A1CF: variants seen among roughly 807,000 people sequenced by gnomAD.
A1CF encodes the protein APOBEC-1 stimulating protein.
A neutral mutation model predicts 68.9 loss-of-function variants in A1CF; 48 were observed. The observed-to-expected ratio is 0.70, with a 90% CI of 0.55 to 0.89. A1CF has a LOEUF of 0.89. Ranked by LOEUF, A1CF falls within the 40% of genes least tolerant of loss-of-function variation. A1CF has a pLI of 0.00. For missense variants in A1CF, 653 were observed against 718.9 expected, an observed-to-expected ratio of 0.91 and a Z score of 1.05; for synonymous variants, 272 against 260.4, an observed-to-expected ratio of 1.04 and a Z score of -0.43.
At chr10:50,843,261 G>T (rs981287878) in intron 4 of A1CF, among the ~76,000 whole-genome samples, 1 of 152,104 alleles carries the variant, frequency 6.6e-6, no homozygotes, top group Non-Finnish European at 1.5e-5. Context: ...GATTCTTACA[G>T]AATTAAGTCC....
chr10:50,859,751 G>A (rs2132526418), intron 3 of A1CF, 91 bp downstream of exon 3: 1 of 1,096,890 alleles, frequency 9.1e-7, no homozygotes. Context: ...CTATGTAACT[G>A]ACCATTCCCA....
Position 50,859,881 on chromosome 10 carries a change from G to A in A1CF, c.60C>T (p.Leu20=), listed in dbSNP as rs764493898. The A allele has an allele frequency of 1.2e-6, 2 of 1,613,924 alleles. No individual in the cohort carries two copies. Among genetic ancestry groups the A allele is most frequent in the African/African-American group, 2.7e-5 (2 of 74,902 alleles). The part of the protein sequence containing the change: ...GLSGTQKEAA[L]RALVQRTGYS... ...ATCCTGTGCGCTGGACCAGTGCGCG[G>A]AGGGCTGCTTCCTTCTGAGTGCCGC... The change falls in exon 3 of 13, where the codon CTC becomes CTT. Residue 20 remains leucine (L), a synonymous_variant. Transcript: ENST00000373997.
At chr10:50,823,793 G>A (rs1838787200) in intron 7 of A1CF, among the ~76,000 whole-genome samples, 1 of 152,040 alleles carries the variant, frequency 6.6e-6, no homozygotes, top group Non-Finnish European at 1.5e-5. Flanking sequence ...TATCTTTTGT[G>A]TCTCTCAGTG....
chr10:50,842,042 A>C (rs1839807732), intron 4 of A1CF, 50 bp from the exon 5 acceptor site: 2 of 1,525,676 alleles, frequency 1.3e-6, no homozygotes, highest in Non-Finnish European at 9.0e-7. Flanking sequence ...TGTACTTCTG[A>C]ATGTATGTGT....
At chr10:50,808,349 G>A (rs1309648278) in intron 12 of A1CF, among the ~76,000 whole-genome samples, 1 of 152,228 alleles carries the variant, frequency 6.6e-6, no homozygotes, top group Non-Finnish European at 1.5e-5. Flanking sequence ...CAGTGGAAGT[G>A]AGAATAAGAT....
intron 3 of A1CF, among the ~76,000 whole-genome samples, chr10:50,859,594 G>A (rs1840645949): frequency 1.3e-5 from 2 of 152,210 alleles, no homozygotes; most frequent in African/African-American, 4.8e-5. Flanking sequence ...TTTTGGGATA[G>A]TCTCTATAAC....
chr10:50,820,410 C>CT (rs1838591378), intron 8 of A1CF, 142 bp downstream of exon 8: 2 of 591,022 alleles, frequency 3.4e-6, no homozygotes, highest in Non-Finnish European at 5.7e-6. Flanking sequence ...CATCATTTCT[C>CT]TTTAGTACAT....
chr10:50,874,699 C>T (rs2132599488), intron 1 of A1CF, among the ~76,000 whole-genome samples: 1 of 152,324 alleles, frequency 6.6e-6, no homozygotes, highest in South Asian at 2.1e-4. Context: ...AATCCCTTAA[C>T]TGTTACTTGC....
chr10:50,875,113 T>TA (rs1352543524), intron 1 of A1CF, among the ~76,000 whole-genome samples: 1 of 152,214 alleles, frequency 6.6e-6, no homozygotes, highest in African/African-American at 2.4e-5. Flanking sequence ...TATACTCACA[T>TA]AAAAAATCTA....
chr10:50,870,708 A>G (rs1046962243), intron 1 of A1CF, among the ~76,000 whole-genome samples: 7 of 151,972 alleles, frequency 4.6e-5, no homozygotes, highest in Non-Finnish European at 7.4e-5. Flanking sequence ...TTAAAAGCAA[A>G]TTATTCCTTT....
intron 7 of A1CF, among the ~76,000 whole-genome samples, chr10:50,826,600 C>T (rs1838951441): frequency 6.6e-6 from 1 of 152,052 alleles, no homozygotes; most frequent in Non-Finnish European, 1.5e-5. Context: ...TTGTCACTAC[C>T]AGGCCTGCCC....
intron 3 of A1CF, among the ~76,000 whole-genome samples, chr10:50,846,410 T>C (rs552290851): frequency 6.6e-6 from 1 of 152,272 alleles, no homozygotes; most frequent in Non-Finnish European, 1.5e-5. Flanking sequence ...TTACCATCCT[T>C]CTCCCTGGGC....
chr10:50,838,630 C>T (rs1839633255), intron 5 of A1CF, among the ~76,000 whole-genome samples: 1 of 152,090 alleles, frequency 6.6e-6, no homozygotes, highest in African/African-American at 2.4e-5. Context: ...AGAAGCCAGA[C>T]ATTTAGATGA....
intron 3 of A1CF, among the ~76,000 whole-genome samples, chr10:50,844,744 C>A (rs948375959): frequency 6.6e-6 from 1 of 152,142 alleles, no homozygotes; most frequent in African/African-American, 2.4e-5. Context: ...GAAAAATTCT[C>A]CAATGTATCA....
Position 50,811,172 on chromosome 10 carries a change from AAT to A in A1CF, c.1326_1327del (p.Leu443ArgfsTer8). ...GTTATTTTTCTGACAAATCTCTTCTAATATCTACAAGAATAAAAAAAGTTATT... is the reference window on the plus strand; with the variant it reads ...GTTATTTTTCTGACAAATCTCTTCTAATCTACAAGAATAAAAAAAGTTATT... On this transcript the variant is annotated frameshift_variant and splice_region_variant, in exon 11 of 13. Coordinates refer to ENST00000373997, the MANE Select transcript of A1CF (RefSeq NM_014576.4). LOFTEE classifies it high-confidence loss of function. 1 of 1,609,582 alleles carries A rather than the reference AAT, an allele frequency of 6.2e-7. No homozygotes were observed. Among genetic ancestry groups the A allele is most frequent in the Non-Finnish European group, 8.5e-7 (1 of 1,177,716 alleles).
In A1CF at chr10:50,855,523, A is replaced by G. The variant is rs529119099; in HGVS notation, c.99+4319T>C. On this transcript the variant is annotated intron_variant, in intron 3 of 12. Coordinates refer to ENST00000373997, the MANE Select transcript of A1CF (RefSeq NM_014576.4). ...TACATTATATCTCTTTTTTCTCTACAGTACTTTGATAAAAACTTCAGTCAT... is the reference window on the plus strand; with the variant it reads ...TACATTATATCTCTTTTTTCTCTACGGTACTTTGATAAAAACTTCAGTCAT... Among the ~76,000 whole-genome samples, 91 of 152,134 alleles carry G rather than the reference A, an allele frequency of 6.0e-4. 1 individual carries two copies. Among genetic ancestry groups the G allele is most frequent in the Admixed American group, 6.0e-3 (91 of 15,266 alleles).
At chr10:50,812,297 G>A (rs1232611340) in intron 10 of A1CF, among the ~76,000 whole-genome samples, 7 of 152,148 alleles carry the variant, frequency 4.6e-5, no homozygotes, top group Non-Finnish European at 1.0e-4. Context: ...CTCTGCTTCT[G>A]GCTGGAAGTT....
At chr10:50,862,152 G>A (rs1439042264) in intron 2 of A1CF, among the ~76,000 whole-genome samples, 1 of 151,942 alleles carries the variant, frequency 6.6e-6, no homozygotes, top group African/African-American at 2.4e-5. Context: ...GATCACCTGA[G>A]GTCAGGAGTT....
chr10:50,824,021 C>T (rs1273840570), intron 7 of A1CF: 1 of 152,118 alleles, frequency 6.6e-6, no homozygotes, highest in East Asian at 1.9e-4. Flanking sequence ...CCTCTTAATG[C>T]AGCAGATGTC....
Sources: allele counts gnomAD v4.1 joint callset (sites outside exome capture counted in the v4.1 genomes callset), GRCh38; gene constraint gnomAD v4.1.1; transcripts MANE v1.5; gene names NCBI Gene and HGNC (gene_info 2026-07-23, HGNC 2026-07-21).